ELP4: variants seen among roughly 807,000 people sequenced by gnomAD.
ELP4 encodes the protein elongator complex protein 4.
ELP4 carries 51 observed loss-of-function variants against 48.9 expected under a neutral mutation model. That is an observed-to-expected ratio of 1.04 (90% confidence interval 0.83 to 1.32). The LOEUF (loss-of-function observed/expected upper bound fraction) is 1.32, where lower values mean the gene tolerates loss of function less well. Ranked by LOEUF, ELP4 falls within the 40% of genes most tolerant of loss-of-function variation. The probability of loss-of-function intolerance (pLI) is 0.00; values close to 1 mark genes in which losing one functional copy is unlikely to be tolerated. For missense variants in ELP4, 519 were observed against 514.6 expected (o/e 1.01, Z -0.08); for synonymous variants, 210 against 189.2 (o/e 1.11, Z -0.90).
chr11:31,658,117 G>A (rs182175817), intron 9 of ELP4, among the ~76,000 whole-genome samples: 91 of 152,010 alleles, frequency 6.0e-4, no homozygotes, highest in Non-Finnish European at 1.0e-3. Context: ...TATCTGCCAT[G>A]CCCTAAGCTG....
In ELP4 at chr11:31,702,658, T is replaced by C. The variant is rs577701060; in HGVS notation, c.1143+52437T>C. On this transcript the variant is annotated intron_variant, in intron 9 of 9. Coordinates refer to ENST00000640961, the MANE Select transcript of ELP4 (RefSeq NM_019040.5). The stretch of plus-strand genomic sequence containing the variant: ...ATCATAGACATTAGTTAGCATTTAG[T>C]CTTTAACCTTAACATATACTATTAT... Among the ~76,000 whole-genome samples, 10 of 152,268 alleles carry C rather than the reference T, an allele frequency of 6.6e-5. No homozygotes were observed. The South Asian group carries it at 2.1e-3, about 32-fold the overall frequency.
intron 3 of ELP4, among the ~76,000 whole-genome samples, chr11:31,583,818 T>G (rs1957429133): frequency 6.6e-6 from 1 of 152,208 alleles, no homozygotes. Context: ...TTTTCTGTGG[T>G]GTTGGAAATG....
intron 7 of ELP4, among the ~76,000 whole-genome samples, chr11:31,642,708 C>T (rs1203316434): frequency 3.3e-5 from 5 of 151,456 alleles, no homozygotes; most frequent in South Asian, 2.1e-4. Context: ...AATCTAATAC[C>T]GTCATCAGTT....
At chr11:31,719,594 G>C (rs1946915064) in intron 9 of ELP4, 1 of 397,318 alleles carries the variant, frequency 2.5e-6, no homozygotes, top group Non-Finnish European at 4.4e-6. Context: ...ATACAATAAT[G>C]ACAGAAGAAA....
chr11:31,675,453 A>C (rs1945902667), intron 9 of ELP4, among the ~76,000 whole-genome samples: 1 of 152,024 alleles, frequency 6.6e-6, no homozygotes, highest in Non-Finnish European at 1.5e-5. Context: ...TGGTAGAGAC[A>C]GGGTTTCTCC....
At chr11:31,741,443 GCCT>G (rs1443191917) in intron 9 of ELP4, among the ~76,000 whole-genome samples, 4 of 152,202 alleles carry the variant, frequency 2.6e-5, no homozygotes, top group Non-Finnish European at 5.9e-5. Context: ...TGGGCAGACT[GCCT>G]CCTCAAGTGG....
intron 9 of ELP4, among the ~76,000 whole-genome samples, chr11:31,708,075 C>T (rs915520270): frequency 6.6e-6 from 1 of 152,122 alleles, no homozygotes; most frequent in Non-Finnish European, 1.5e-5. Context: ...TTTTTAGTTT[C>T]AATTTTTTAA....
At chr11:31,607,077 A>C (rs781333517) in intron 5 of ELP4, among the ~76,000 whole-genome samples, 37 of 152,166 alleles carry the variant, frequency 2.4e-4, no homozygotes, top group African/African-American at 1.2e-4. Context: ...GGGAGCATGC[A>C]AGAATGAAAG....
At chr11:31,576,705 G>A (rs1315570975) in intron 3 of ELP4, among the ~76,000 whole-genome samples, 15 of 152,146 alleles carry the variant, frequency 9.9e-5, no homozygotes, top group African/African-American at 1.9e-4. Flanking sequence ...GGTACATAAC[G>A]AAATGAAGGC....
intron 9 of ELP4, chr11:31,687,755 T>A (rs1235360658): frequency 1.3e-5 from 2 of 152,226 alleles, no homozygotes; most frequent in African/African-American, 2.4e-5. Context: ...CACTTGTACC[T>A]TGATTAAAAT....
At chr11:31,769,236 C>G (rs1948093302) in intron 9 of ELP4, among the ~76,000 whole-genome samples, 1 of 152,048 alleles carries the variant, frequency 6.6e-6, no homozygotes, top group Admixed American at 6.6e-5. Flanking sequence ...CACTTCATAC[C>G]CCATCTCAGG....
intron 2 of ELP4, 94 bp downstream of exon 2, chr11:31,520,185 C>A: frequency 9.6e-7 from 1 of 1,044,046 alleles, no homozygotes; most frequent in Non-Finnish European, 1.4e-6. Context: ...TTATTTAAAT[C>A]ACTAACACGA....
chr11:31,778,149 A>G (rs543577955), intron 9 of ELP4, among the ~76,000 whole-genome samples: 2 of 152,366 alleles, frequency 1.3e-5, no homozygotes, highest in East Asian at 3.9e-4. Context: ...TGTGCAAAAT[A>G]CAGGTTTTAA....
intron 5 of ELP4, among the ~76,000 whole-genome samples, chr11:31,625,545 C>A (rs1944725209): frequency 6.6e-6 from 1 of 151,500 alleles, no homozygotes; most frequent in African/African-American, 2.4e-5. Flanking sequence ...TGAAATAAGC[C>A]CAACACAGAA....
chr11:31,658,306 A>G (rs948992042), intron 9 of ELP4, among the ~76,000 whole-genome samples: 1 of 151,900 alleles, frequency 6.6e-6, no homozygotes, highest in African/African-American at 2.4e-5. Context: ...AAAATACATT[A>G]TAAAATTATG....
At chr11:31,768,889 G>A (rs1050696585) in intron 9 of ELP4, among the ~76,000 whole-genome samples, 1 of 152,218 alleles carries the variant, frequency 6.6e-6, no homozygotes, top group East Asian at 1.9e-4. Context: ...GACGAAAGAG[G>A]ACTAAATAAC....
intron 9 of ELP4, among the ~76,000 whole-genome samples, chr11:31,741,244 C>T (rs947745461): frequency 7.2e-5 from 11 of 152,248 alleles, no homozygotes; most frequent in African/African-American, 1.7e-4. Context: ...ACAAAGCGGC[C>T]GGTAAGCTGG....
chr11:31,784,659 T>C lies in ELP4; in HGVS notation c.*1135T>C, dbSNP rs1298410678. 6.4e-6 allele frequency: 1 copy of C among 156,294 alleles called. No homozygotes were observed. Among genetic ancestry groups the C allele is most frequent in the African/African-American group, 2.4e-5 (1 of 41,648 alleles). The allele number at this position is 156,294 out of a possible 1,614,324, so 9.7% of individuals were successfully genotyped here. ...TAACTAGCATTTTTAAGCAGCTTGC[T>C]TTTAATATACCACAAATTATACTTT... On this transcript the variant is annotated 3_prime_UTR_variant, in exon 10 of 10. Transcript: ENST00000640961.
intron 9 of ELP4, among the ~76,000 whole-genome samples, chr11:31,763,077 A>G (rs181820523): frequency 6.8e-6 from 1 of 146,486 alleles, no homozygotes; most frequent in East Asian, 2.0e-4. Context: ...CTTTAAATGC[A>G]ATTCTGTATA....
Sources: gnomAD v4.1 joint callset for allele counts (sites outside exome capture counted in the v4.1 genomes callset) on GRCh38, gnomAD v4.1.1 for gene constraint, MANE v1.5 for transcripts, NCBI Gene and HGNC (gene_info 2026-07-23, HGNC 2026-07-21) for gene names.